C1QTNF3: variants seen among roughly 807,000 people sequenced by gnomAD.
C1QTNF3 encodes complement C1q tumor necrosis factor-related protein 3.
C1QTNF3 carries 26 observed loss-of-function variants against 32.6 expected under a neutral mutation model. The observed-to-expected ratio is 0.80, with a 90% CI of 0.58 to 1.11. C1QTNF3 has a LOEUF of 1.11. Ranked by LOEUF, C1QTNF3 falls within the 50% of genes least tolerant of loss-of-function variation. C1QTNF3 has a pLI of 0.00. For missense variants in C1QTNF3, 362 were observed against 398.2 expected (o/e 0.91, Z 0.77); for synonymous variants, 155 against 146.0 (o/e 1.06, Z -0.44).
chr5:34,056,676 C>A, the C1QTNF3 span, among the ~76,000 whole-genome samples: 72 of 151,704 alleles, frequency 4.7e-4, 1 homozygote, highest in South Asian at 0.011. Context: ...TCATGCCTGG[C>A]TAATTTTTTC....
At chr5:34,197,356 A>G in the C1QTNF3 span, among the ~76,000 whole-genome samples, 1 of 104,302 alleles carries the variant, frequency 9.6e-6, no homozygotes, top group African/African-American at 3.6e-5. Flanking sequence ...AGTACGATAC[A>G]AGGGTAATAT....
the C1QTNF3 span, among the ~76,000 whole-genome samples, chr5:34,204,502 T>C: frequency 1.5e-3 from 230 of 152,282 alleles, 6 homozygotes; most frequent in East Asian, 0.038. Context: ...GAAAGACAAA[T>C]ACTGCATGTT....
the C1QTNF3 span, among the ~76,000 whole-genome samples, chr5:34,063,822 T>A: frequency 6.6e-6 from 1 of 152,106 alleles, no homozygotes; most frequent in Non-Finnish European, 1.5e-5. Flanking sequence ...GAGGCAGGGA[T>A]CGGAGGAAGT....
the C1QTNF3 span, among the ~76,000 whole-genome samples, chr5:34,062,726 A>C: frequency 1.3e-5 from 2 of 152,168 alleles, no homozygotes; most frequent in African/African-American, 2.4e-5. Flanking sequence ...AGATCTTTTT[A>C]AGGTAATAAA....
At chr5:34,110,948 T>C in the C1QTNF3 span, among the ~76,000 whole-genome samples, 1 of 152,158 alleles carries the variant, frequency 6.6e-6, no homozygotes, top group Non-Finnish European at 1.5e-5. Flanking sequence ...TCAATGAGTT[T>C]ATGGTCTAAC....
the C1QTNF3 span, among the ~76,000 whole-genome samples, chr5:34,116,677 C>G: frequency 6.6e-6 from 1 of 151,360 alleles, no homozygotes; most frequent in Admixed American, 6.6e-5. Context: ...TCACTGCAAC[C>G]TCCGTCTCCC....
At chr5:34,103,860 T>G in the C1QTNF3 span, among the ~76,000 whole-genome samples, 1 of 152,040 alleles carries the variant, frequency 6.6e-6, no homozygotes, top group African/African-American at 2.4e-5. Context: ...GTTTTATATA[T>G]GTATATTTAT....
the C1QTNF3 span, among the ~76,000 whole-genome samples, chr5:34,119,193 T>G: frequency 2.6e-5 from 4 of 152,318 alleles, no homozygotes; most frequent in South Asian, 8.3e-4. Context: ...CAATTCAAGC[T>G]CTTAGAATCT....
chr5:34,197,046 T>TAA, the C1QTNF3 span, among the ~76,000 whole-genome samples: 83 of 151,696 alleles, frequency 5.5e-4, no homozygotes, highest in African/African-American at 2.0e-3. Flanking sequence ...ACGAAATAAA[T>TAA]ATAAAGCAGT....
chr5:34,233,738 A>G, the C1QTNF3 span, among the ~76,000 whole-genome samples: 1 of 152,002 alleles, frequency 6.6e-6, no homozygotes, highest in African/African-American at 2.4e-5. Context: ...TGTTTTGTAA[A>G]CCATTATTTT....
the C1QTNF3 span, among the ~76,000 whole-genome samples, chr5:34,138,773 A>G: frequency 6.6e-6 from 1 of 152,188 alleles, no homozygotes; most frequent in Non-Finnish European, 1.5e-5. Flanking sequence ...ACATTACATA[A>G]TTTTTGAAAA....
chr5:34,177,766 C>T, the C1QTNF3 span, among the ~76,000 whole-genome samples: 1 of 151,770 alleles, frequency 6.6e-6, no homozygotes, highest in African/African-American at 2.4e-5. Flanking sequence ...GGATTACAGG[C>T]GTCAGCCACT....
At chr5:34,114,032 C>A in the C1QTNF3 span, among the ~76,000 whole-genome samples, 1 of 152,186 alleles carries the variant, frequency 6.6e-6, no homozygotes, top group Non-Finnish European at 1.5e-5. Flanking sequence ...AAAAATCTCA[C>A]ACATTTTTTT....
chr5:34,049,583 G>A, the C1QTNF3 span, among the ~76,000 whole-genome samples: 1 of 152,164 alleles, frequency 6.6e-6, no homozygotes. Flanking sequence ...CACAATGAAG[G>A]CAAGACAAGG....
At chr5:34,218,933 ATG>A in the C1QTNF3 span, among the ~76,000 whole-genome samples, 2 of 152,070 alleles carry the variant, frequency 1.3e-5, no homozygotes, top group African/African-American at 4.8e-5. Context: ...CTATTTTATT[ATG>A]TGTCTTCTAA....
At chr5:34,073,326 CAA>C in the C1QTNF3 span, among the ~76,000 whole-genome samples, 27 of 78,454 alleles carry the variant, frequency 3.4e-4, no homozygotes, top group Admixed American at 4.4e-4. Context: ...GACTCCGTCT[CAA>C]AAAAAAAAAA....
At chr5:34,164,331 TCTTC>T in the C1QTNF3 span, among the ~76,000 whole-genome samples, 8 of 152,178 alleles carry the variant, frequency 5.3e-5, no homozygotes, top group Non-Finnish European at 1.0e-4. Flanking sequence ...ATAATGTGGC[TCTTC>T]CTACTAAAGC....
At chr5:34,226,355 C>T in the C1QTNF3 span, among the ~76,000 whole-genome samples, 18 of 151,934 alleles carry the variant, frequency 1.2e-4, no homozygotes, top group Admixed American at 5.9e-4. Context: ...ATAAAATATA[C>T]TGAGATGAAG....
chr5:34,095,009 T>C, the C1QTNF3 span, among the ~76,000 whole-genome samples: 1 of 151,796 alleles, frequency 6.6e-6, no homozygotes. Flanking sequence ...GTCACATGTA[T>C]ATAATGCACA....
Sources: gnomAD v4.1 joint callset for allele counts (sites outside exome capture counted in the v4.1 genomes callset) on GRCh38, gnomAD v4.1.1 for gene constraint, MANE v1.5 for transcripts, NCBI Gene and HGNC (gene_info 2026-07-23, HGNC 2026-07-21) for gene names.